The following MEF2A variants were observed in gnomAD, a reference collection of about 807,000 sequenced individuals.
MEF2A encodes the protein myocyte-specific enhancer factor 2A.
Under a neutral mutation model 55.8 loss-of-function variants are expected in MEF2A, and 28 were observed. The ratio of observed to expected loss-of-function variants is 0.50; its 90% CI spans 0.37 to 0.69. MEF2A has a LOEUF of 0.69. Among genes scored for constraint, MEF2A ranks in the 30% least tolerant of loss-of-function variants. MEF2A has a pLI of 0.00. For synonymous variants in MEF2A, 239 were observed against 227.1 expected, an observed-to-expected ratio of 1.05 and a Z score of -0.47; for missense variants, 528 against 626.2, an observed-to-expected ratio of 0.84 and a Z score of 1.67.
At chr15:99,579,775 T>G (rs1264623716) in intron 1 of MEF2A, among the ~76,000 whole-genome samples, 1 of 152,218 alleles carries the variant, frequency 6.6e-6, no homozygotes, top group African/African-American at 2.4e-5. Flanking sequence ...AGAGTAGTCC[T>G]GTTACTTCAG....
intron 4 of MEF2A, among the ~76,000 whole-genome samples, chr15:99,662,725 G>A (rs1402265151): frequency 6.6e-6 from 1 of 152,166 alleles, no homozygotes; most frequent in Non-Finnish European, 1.5e-5. Flanking sequence ...TGATCTGCCT[G>A]TCTCTGCCTC....
At chr15:99,665,614 G>A (rs1371249673) in intron 4 of MEF2A, among the ~76,000 whole-genome samples, 2 of 149,198 alleles carry the variant, frequency 1.3e-5, no homozygotes, top group Non-Finnish European at 2.9e-5. Flanking sequence ...CTTCTGCACA[G>A]CAAAAGAAAC....
At chr15:99,569,087 A>T (rs1399956668) in intron 1 of MEF2A, among the ~76,000 whole-genome samples, 2 of 152,168 alleles carry the variant, frequency 1.3e-5, no homozygotes, top group Non-Finnish European at 2.9e-5. Context: ...ACATATGCTG[A>T]TTTGCAAGCC....
intron 4 of MEF2A, among the ~76,000 whole-genome samples, chr15:99,663,981 G>T (rs1330568031): frequency 6.6e-6 from 1 of 152,144 alleles, no homozygotes; most frequent in African/African-American, 2.4e-5. Context: ...AGGTAAGGTT[G>T]TCAGTACTCT....
intron 1 of MEF2A, among the ~76,000 whole-genome samples, chr15:99,567,542 A>G (rs1289505312): frequency 2.6e-5 from 4 of 152,222 alleles, no homozygotes; most frequent in African/African-American, 7.2e-5. Flanking sequence ...TTTTTTAAAC[A>G]TACAAAAATG....
chr15:99,610,624 GAGTCTAGAAAT>G (rs1229413686), intron 2 of MEF2A, among the ~76,000 whole-genome samples: 60 of 152,024 alleles, frequency 3.9e-4, no homozygotes, highest in Admixed American at 3.9e-3. Flanking sequence ...ACAGAATTAA[GAGTCTAGAAAT>G]AAACCCATGC....
intron 1 of MEF2A, among the ~76,000 whole-genome samples, chr15:99,595,979 G>A (rs1971030749): frequency 6.6e-6 from 1 of 152,004 alleles, no homozygotes; most frequent in African/African-American, 2.4e-5. Flanking sequence ...AAGGCTCAGT[G>A]TATGAAATTT....
At chr15:99,572,356 T>G (rs1434196933) in intron 1 of MEF2A, among the ~76,000 whole-genome samples, 1 of 152,254 alleles carries the variant, frequency 6.6e-6, no homozygotes, top group African/African-American at 2.4e-5. Flanking sequence ...CAAATCTCAC[T>G]TCTCACTCAG....
chr15:99,579,177 C>A (rs1223127838), intron 1 of MEF2A, among the ~76,000 whole-genome samples: 1 of 152,004 alleles, frequency 6.6e-6, no homozygotes, highest in African/African-American at 2.4e-5. Flanking sequence ...TTTTAAATTG[C>A]TCTTTGTATT....
At chr15:99,700,603 A>G (rs1217730057) in intron 8 of MEF2A, among the ~76,000 whole-genome samples, 2 of 152,182 alleles carry the variant, frequency 1.3e-5, no homozygotes, top group South Asian at 2.1e-4. Context: ...CTGTGAGGCA[A>G]TAGCATCCAG....
intron 3 of MEF2A, among the ~76,000 whole-genome samples, chr15:99,636,286 G>A (rs983058197): frequency 6.6e-6 from 1 of 151,920 alleles, no homozygotes; most frequent in African/African-American, 2.4e-5. Flanking sequence ...TGAGTGTTTT[G>A]TCCATGATAT....
intron 7 of MEF2A, among the ~76,000 whole-genome samples, chr15:99,687,398 T>G (rs2054496276): frequency 6.6e-6 from 1 of 152,138 alleles, no homozygotes; most frequent in South Asian, 2.1e-4. Context: ...ACCTAGTGTC[T>G]GCTTATTTTT....
intron 3 of MEF2A, among the ~76,000 whole-genome samples, chr15:99,636,960 A>G (rs939432447): frequency 6.6e-6 from 1 of 152,140 alleles, no homozygotes; most frequent in Non-Finnish European, 1.5e-5. Flanking sequence ...TCCTCACTAT[A>G]TGACAGGGTT....
At chr15:99,664,317 A>G (rs1408597591) in intron 4 of MEF2A, among the ~76,000 whole-genome samples, 59 of 152,234 alleles carry the variant, frequency 3.9e-4, no homozygotes, top group Non-Finnish European at 5.9e-5. Flanking sequence ...ATAGCACTCA[A>G]AGGCAAGAGG....
intron 2 of MEF2A, among the ~76,000 whole-genome samples, chr15:99,615,412 G>A (rs2570814): frequency 0.95 from 145,195 of 152,284 alleles, 69,602 homozygotes; most frequent in East Asian, 1. Flanking sequence ...TAAGTAATGG[G>A]TATTGCATTA....
At chr15:99,640,611 C>T (rs1300687400) in intron 3 of MEF2A, among the ~76,000 whole-genome samples, 4 of 148,310 alleles carry the variant, frequency 2.7e-5, no homozygotes, top group Non-Finnish European at 5.9e-5. Context: ...GGCCAGAGTG[C>T]ATTGGCATGA....
At chr15:99,582,887 A>C (rs763867519) in intron 1 of MEF2A, among the ~76,000 whole-genome samples, 1 of 152,142 alleles carries the variant, frequency 6.6e-6, no homozygotes, top group Non-Finnish European at 1.5e-5. Context: ...TATGTTGTAG[A>C]TAGAACAGTT....
chr15:99,578,123 C>T (rs2152816111), intron 1 of MEF2A, among the ~76,000 whole-genome samples: 1 of 152,344 alleles, frequency 6.6e-6, no homozygotes, highest in South Asian at 2.1e-4. Context: ...CATCCATTCA[C>T]TTCAGCATTC....
intron 7 of MEF2A, among the ~76,000 whole-genome samples, chr15:99,686,513 A>T (rs746345480): frequency 6.6e-6 from 1 of 152,192 alleles, no homozygotes; most frequent in African/African-American, 2.4e-5. Context: ...TTGACCGGCA[A>T]TTATTTTGTT....
Sources: gnomAD v4.1 joint callset for allele counts (sites outside exome capture counted in the v4.1 genomes callset) on GRCh38, gnomAD v4.1.1 for gene constraint, MANE v1.5 for transcripts, NCBI Gene and HGNC (gene_info 2026-07-23, HGNC 2026-07-21) for gene names.